Variants in DPT observed in about 807,000 individuals in gnomAD.
The protein encoded by DPT is tyrosine-rich acidic matrix protein.
In DPT, 21 loss-of-function variants were observed where a neutral mutation model predicts 31.2. That is an observed-to-expected ratio of 0.67 (90% CI 0.48 to 0.97). The LOEUF (loss-of-function observed/expected upper bound fraction) is 0.97. Ranked by LOEUF, DPT falls within the 50% of genes least tolerant of loss-of-function variation. The probability of loss-of-function intolerance (pLI) is 0.00; values close to 1 mark genes in which losing one functional copy is unlikely to be tolerated. For synonymous variants in DPT, 91 were observed against 86.9 expected (o/e 1.05, Z -0.26); for missense variants, 262 against 258.8 (o/e 1.01, Z -0.08).
At chr1:168,710,017 A>G (rs1384757497) in intron 2 of DPT, among the ~76,000 whole-genome samples, 1 of 152,240 alleles carries the variant, frequency 6.6e-6, no homozygotes, top group Non-Finnish European at 1.5e-5. Flanking sequence ...ACATTTATTA[A>G]GAGTCTATTT....
chr1:168,699,549 G>A (rs1015697516), intron 3 of DPT, among the ~76,000 whole-genome samples: 3 of 150,074 alleles, frequency 2.0e-5, no homozygotes, highest in African/African-American at 7.4e-5. Flanking sequence ...TGATCAGCCT[G>A]CAACATATAT....
intron 1 of DPT, among the ~76,000 whole-genome samples, chr1:168,717,992 C>T (rs1034302131): frequency 6.6e-6 from 1 of 152,156 alleles, no homozygotes; most frequent in Non-Finnish European, 1.5e-5. Context: ...CAATATGAAG[C>T]TCTAAGAATC....
At chr1:168,705,411 C>T (rs1274168069) in intron 2 of DPT, among the ~76,000 whole-genome samples, 1 of 152,090 alleles carries the variant, frequency 6.6e-6, no homozygotes, top group African/African-American at 2.4e-5. Flanking sequence ...ACATCATATC[C>T]CCAACCTTGG....
chr1:168,728,959 T>C lies in DPT; in HGVS notation c.216A>G (p.Gln72=), dbSNP rs1572635541. 6.2e-7 allele frequency: 1 copy of C among 1,614,182 alleles called. No homozygotes were observed. The highest frequency in any genetic ancestry group is 8.5e-7 in the Non-Finnish European group (1 of 1,180,030). The change falls in exon 1 of 4, where the codon CAA becomes CAG. Residue 72 remains glutamine (Q), a synonymous_variant. Transcript: ENST00000367817. The part of the protein sequence containing the change: ...IFSKKEGSDR[Q]WNYACMPTPQ... The stretch of plus-strand genomic sequence containing the variant: ...GCGTGGGCATGCAGGCGTAGTTCCA[T>C]TGTCTGTCAGAACCTTCCTTCTTGC...
Position 168,695,796 on chromosome 1 carries a change from A to C in DPT, c.*753T>G, listed in dbSNP as rs1649454013. 1 of 167,400 alleles carries C rather than the reference A, an allele frequency of 6.0e-6. No homozygotes were observed. Among genetic ancestry groups the C allele is most frequent in the African/African-American group, 2.4e-5 (1 of 42,114 alleles). The allele number at this position is 167,400 out of a possible 1,614,324, so 10.4% of individuals were successfully genotyped here. A position where few individuals can be genotyped will look rare whatever the true frequency, so the allele number is the denominator to read the frequency against. On this transcript the variant is annotated 3_prime_UTR_variant, in exon 4 of 4. Transcript: ENST00000367817. ...CTCATCCCCACAAGTTCCCAATCTG[A>C]ATCCCATTCTCTGACCATTCTCTGC... is the stretch of plus-strand genomic sequence containing the variant.
intron 2 of DPT, among the ~76,000 whole-genome samples, chr1:168,713,381 T>G (rs1649908267): frequency 6.6e-6 from 1 of 152,266 alleles, no homozygotes; most frequent in Non-Finnish European, 1.5e-5. Flanking sequence ...TGGAGTAAGC[T>G]GTCTGATTGC....
At chr1:168,727,418 A>G (rs731949) in intron 1 of DPT, among the ~76,000 whole-genome samples, 64,567 of 151,916 alleles carry the variant, frequency 0.43, 15,017 homozygotes, top group Non-Finnish European at 0.54. Context: ...TCATTACTTA[A>G]AGGCCCGCTC....
At chr1:168,701,917 G>A (rs1053142954) in intron 2 of DPT, among the ~76,000 whole-genome samples, 1 of 151,948 alleles carries the variant, frequency 6.6e-6, no homozygotes, top group Non-Finnish European at 1.5e-5. Context: ...CTAGTACATG[G>A]TAGGTGTTGA....
chr1:168,728,781 T>C (rs1465872386), intron 1 of DPT, 89 bp downstream of exon 1: 3 of 1,504,740 alleles, frequency 2.0e-6, no homozygotes, highest in African/African-American at 2.7e-5. Context: ...CTTTGGTTAC[T>C]GATATTCCTT....
chr1:168,726,616 CT>C (rs1304784504), intron 1 of DPT, among the ~76,000 whole-genome samples: 1 of 152,250 alleles, frequency 6.6e-6, no homozygotes, highest in Non-Finnish European at 1.5e-5. Flanking sequence ...GCCTAGGGCT[CT>C]TCCTCTATGG....
At chr1:168,723,060 G>A (rs1253638186) in intron 1 of DPT, among the ~76,000 whole-genome samples, 3 of 152,176 alleles carry the variant, frequency 2.0e-5, no homozygotes, top group African/African-American at 7.2e-5. Context: ...TAGCACTTAG[G>A]AGAGTGACCT....
At chr1:168,708,029 T>C (rs1277676876) in intron 2 of DPT, among the ~76,000 whole-genome samples, 1 of 152,190 alleles carries the variant, frequency 6.6e-6, no homozygotes, top group Non-Finnish European at 1.5e-5. Context: ...GTCCTTGATC[T>C]AAAATGGTGT....
intron 1 of DPT, among the ~76,000 whole-genome samples, chr1:168,718,183 T>C (rs1226648666): frequency 2.4e-4 from 36 of 152,264 alleles, no homozygotes; most frequent in Admixed American, 2.4e-3. Flanking sequence ...TCTTCTGTAC[T>C]CAGACCCCTA....
chr1:168,727,250 C>G (rs925627666), intron 1 of DPT, among the ~76,000 whole-genome samples: 1 of 152,196 alleles, frequency 6.6e-6, no homozygotes, highest in Non-Finnish European at 1.5e-5. Flanking sequence ...GATCCAAACC[C>G]CAGCTTTCTA....
chr1:168,723,634 C>T (rs183538262), intron 1 of DPT, among the ~76,000 whole-genome samples: 34 of 152,242 alleles, frequency 2.2e-4, no homozygotes, highest in Non-Finnish European at 2.9e-5. Flanking sequence ...TTTATATCTA[C>T]TTTTGTAAAA....
intron 1 of DPT, among the ~76,000 whole-genome samples, chr1:168,722,008 G>A (rs1395077131): frequency 6.6e-6 from 1 of 152,166 alleles, no homozygotes; most frequent in Non-Finnish European, 1.5e-5. Context: ...GACAGAGCGA[G>A]AATGCCTCCA....
Position 168,729,033 on chromosome 1 carries a change from A to G in DPT, c.142T>C (p.Tyr48His). 1 of 1,614,226 alleles carries G rather than the reference A, an allele frequency of 6.2e-7. No individual in the cohort carries two copies. Among genetic ancestry groups the G allele is most frequent in the Admixed American group, 1.7e-5 (1 of 60,028 alleles). Residue 48 changes from tyrosine to histidine, a missense_variant, in exon 1 of 4, where the codon TAC (tyrosine) becomes CAC (histidine). Transcript: ENST00000367817. ...WVNLNRQGFS[Y>H]QCPQGQVIVA... ...ATCACCTGCCCCTGGGGACACTGGT[A>G]GCTGAAGCCTTGCCGGTTCAAATTC...
At chr1:168,719,907 TCA>T (rs68145251) in intron 1 of DPT, among the ~76,000 whole-genome samples, 5,266 of 152,092 alleles carry the variant, frequency 0.035, 306 homozygotes, top group African/African-American at 0.12. Flanking sequence ...AGAAGGAAAG[TCA>T]CAAGGTAATT....
chr1:168,706,272 T>C (rs1649714621), intron 2 of DPT, among the ~76,000 whole-genome samples: 3 of 152,096 alleles, frequency 2.0e-5, no homozygotes, highest in Admixed American at 2.0e-4. Context: ...TTGGCTTACG[T>C]TTTATATATT....
Sources: allele counts gnomAD v4.1 joint callset (sites outside exome capture counted in the v4.1 genomes callset), GRCh38; gene constraint gnomAD v4.1.1; transcripts MANE v1.5; gene names NCBI Gene and HGNC (gene_info 2026-07-23, HGNC 2026-07-21).